EXOC6B: variants seen among roughly 807,000 people sequenced by gnomAD.
EXOC6B encodes the protein SEC15 homolog B.
EXOC6B carries 54 observed loss-of-function variants against 113.5 expected under a neutral mutation model. The observed-to-expected ratio is 0.48, with a 90% CI of 0.38 to 0.60. EXOC6B has a LOEUF of 0.60. Among genes scored for constraint, EXOC6B ranks in the 20% least tolerant of loss-of-function variants. The pLI is 0.00. For synonymous variants in EXOC6B, 357 were observed against 339.0 expected, an observed-to-expected ratio of 1.05 and a Z score of -0.58; for missense variants, 797 against 977.5, an observed-to-expected ratio of 0.82 and a Z score of 2.46.
At chr2:72,772,434 G>T (rs949342854) in intron 1 of EXOC6B, among the ~76,000 whole-genome samples, 2 of 152,166 alleles carry the variant, frequency 1.3e-5, no homozygotes, top group African/African-American at 4.8e-5. Flanking sequence ...ACAGGTTCTA[G>T]GCCCAGCCAC....
intron 2 of EXOC6B, among the ~76,000 whole-genome samples, chr2:72,737,031 C>T (rs1051309299): frequency 1.8e-4 from 28 of 152,060 alleles, no homozygotes; most frequent in Non-Finnish European, 3.4e-4. Context: ...AATAGAAAGA[C>T]GCACTACTAA....
chr2:72,766,605 TTTTTAAAATTCCGAACTCCATAGA>T (rs1337563280), intron 1 of EXOC6B, among the ~76,000 whole-genome samples: 1 of 151,614 alleles, frequency 6.6e-6, no homozygotes, highest in Non-Finnish European at 1.5e-5. Context: ...CAGAACTGGG[TTTTTAAAATTCCGAACTCCATAGA>T]TGGTTTACCA....
chr2:72,253,246 G>A lies in EXOC6B; in HGVS notation c.2197-69059C>T, dbSNP rs139503369. Among the ~76,000 whole-genome samples the A allele has an allele frequency of 2.5e-3, 385 of 152,272 alleles. 1 individual carries two copies. Among genetic ancestry groups the A allele is most frequent in the African/African-American group, 8.7e-3 (361 of 41,558 alleles). ...AAGGAAATGCTTATACACTGCTGGT[G>A]GGAATGTAAATTAGTTCAGCCACTG... is the stretch of plus-strand genomic sequence containing the variant. On this transcript the variant is annotated intron_variant, in intron 20 of 21. Coordinates refer to ENST00000272427, the MANE Select transcript of EXOC6B (RefSeq NM_015189.3).
In EXOC6B at chr2:72,419,611, C is replaced by T. The variant is rs1694743478; in HGVS notation, c.1981-39741G>A. Among the ~76,000 whole-genome samples, 4 of 152,188 alleles carry T rather than the reference C, an allele frequency of 2.6e-5. 1 individual carries two copies. In the South Asian group the frequency reaches 8.3e-4, roughly 32 times the overall value. Reference sequence around the variant, plus strand: ...TCACAGTTTGTTTTTTCTTTTAACACTTTGATATAACAGCCCACTGCCTTA... The same window carrying T: ...TCACAGTTTGTTTTTTCTTTTAACATTTTGATATAACAGCCCACTGCCTTA... On this transcript the variant is annotated intron_variant, in intron 18 of 21. Transcript: ENST00000272427.
chr2:72,544,081 T>C (rs1205152143), intron 8 of EXOC6B, among the ~76,000 whole-genome samples: 1 of 152,242 alleles, frequency 6.6e-6, no homozygotes, highest in African/African-American at 2.4e-5. Flanking sequence ...TTTTAGATGT[T>C]GTGAAATAGC....
chr2:72,509,963 AG>A (rs1489450426), intron 11 of EXOC6B, among the ~76,000 whole-genome samples: 3 of 152,008 alleles, frequency 2.0e-5, no homozygotes, highest in Admixed American at 2.0e-4. Context: ...CCTACTGACT[AG>A]CTGGGATAAC....
At chr2:72,644,501 T>C (rs1323440625) in intron 6 of EXOC6B, among the ~76,000 whole-genome samples, 1 of 151,648 alleles carries the variant, frequency 6.6e-6, no homozygotes, top group Admixed American at 6.6e-5. Flanking sequence ...TTCACCAAAG[T>C]TGAAATGAAG....
At position 72,676,498 on chromosome 2, in the gene EXOC6B, G is replaced by A. The variant is rs562064569; in HGVS notation, c.669+41605C>T. Among the ~76,000 whole-genome samples the A allele has an allele frequency of 3.9e-5, 6 of 152,046 alleles. No individual in the cohort carries two copies. The South Asian group carries it at 6.2e-4, about 16-fold the overall frequency. On this transcript the variant is annotated intron_variant, in intron 6 of 21. Coordinates refer to ENST00000272427, the MANE Select transcript of EXOC6B (RefSeq NM_015189.3). ...CAAAACTTTTAGCCCTACATATTAC[G>A]CAGTAAGAAAAAAAAATACATCTTT...
At chr2:72,296,979 T>TA (rs1686178359) in intron 20 of EXOC6B, among the ~76,000 whole-genome samples, 1 of 152,230 alleles carries the variant, frequency 6.6e-6, no homozygotes, top group African/African-American at 2.4e-5. Flanking sequence ...TAATTTGCTA[T>TA]ATTTTGAAAA....
intron 20 of EXOC6B, among the ~76,000 whole-genome samples, chr2:72,233,962 C>T (rs1373969961): frequency 6.6e-6 from 1 of 151,974 alleles, no homozygotes; most frequent in Admixed American, 6.6e-5. Context: ...AGGAAGCACT[C>T]GGATGGTAAG....
chr2:72,247,359 G>C (rs1682729752), intron 20 of EXOC6B, among the ~76,000 whole-genome samples: 1 of 152,134 alleles, frequency 6.6e-6, no homozygotes, highest in South Asian at 2.1e-4. Flanking sequence ...AATTGTTGAA[G>C]GTACAGCACT....
chr2:72,485,983 T>TA (rs1392012175), intron 16 of EXOC6B, among the ~76,000 whole-genome samples: 1 of 152,230 alleles, frequency 6.6e-6, no homozygotes. Context: ...CTGTAAATTA[T>TA]AAAGTATCAG....
At chr2:72,534,061 T>C (rs1475396826) in intron 8 of EXOC6B, among the ~76,000 whole-genome samples, 1 of 152,170 alleles carries the variant, frequency 6.6e-6, no homozygotes, top group Non-Finnish European at 1.5e-5. Flanking sequence ...TATGTCAGAT[T>C]GGCATAGTGA....
At chr2:72,699,459 C>A (rs552964520) in intron 6 of EXOC6B, among the ~76,000 whole-genome samples, 2 of 140,104 alleles carry the variant, frequency 1.4e-5, no homozygotes, top group East Asian at 4.2e-4. Flanking sequence ...GCCTGGGCGA[C>A]AGAGTGAGAC....
At chr2:72,260,307 T>A (rs980697781) in intron 20 of EXOC6B, among the ~76,000 whole-genome samples, 1 of 152,064 alleles carries the variant, frequency 6.6e-6, no homozygotes, top group Non-Finnish European at 1.5e-5. Flanking sequence ...TATCACAGGG[T>A]GAGGTGAGGT....
intron 6 of EXOC6B, among the ~76,000 whole-genome samples, chr2:72,604,269 T>C (rs1485242920): frequency 6.6e-6 from 1 of 152,140 alleles, no homozygotes; most frequent in Non-Finnish European, 1.5e-5. Context: ...TTCACAATCT[T>C]AAACCCACTT....
chr2:72,232,450 ATTC>A (rs1681687924), intron 20 of EXOC6B, among the ~76,000 whole-genome samples: 1 of 152,314 alleles, frequency 6.6e-6, no homozygotes, highest in Non-Finnish European at 1.5e-5. Flanking sequence ...TAACCTAGTA[ATTC>A]TTCTTCTGGG....
At chr2:72,535,182 T>A (rs1263610146) in intron 8 of EXOC6B, among the ~76,000 whole-genome samples, 1 of 152,186 alleles carries the variant, frequency 6.6e-6, no homozygotes, top group Admixed American at 6.5e-5. Context: ...AGCAAGGACC[T>A]CTTTTTTTAA....
At chr2:72,810,006 A>G (rs1685792293) in intron 1 of EXOC6B, among the ~76,000 whole-genome samples, 2 of 152,210 alleles carry the variant, frequency 1.3e-5, no homozygotes, top group South Asian at 4.1e-4. Flanking sequence ...CCATAACACA[A>G]ACTTTAACAA....
Sources: gnomAD v4.1 joint callset for allele counts (sites outside exome capture counted in the v4.1 genomes callset) on GRCh38, gnomAD v4.1.1 for gene constraint, MANE v1.5 for transcripts, NCBI Gene and HGNC (gene_info 2026-07-23, HGNC 2026-07-21) for gene names.